The following USF2 variants were observed in gnomAD, a reference collection of about 807,000 sequenced individuals.
The protein encoded by USF2 is upstream transcription factor 2, c-fos interacting.
In USF2, 16 loss-of-function variants were observed where a neutral mutation model predicts 46.9. The observed-to-expected ratio is 0.34, with a 90% CI of 0.23 to 0.52. The LOEUF (loss-of-function observed/expected upper bound fraction) is 0.52. USF2 is among the 20% of genes least tolerant of loss of function. USF2 has a pLI of 0.96. For missense variants in USF2, 411 were observed against 474.0 expected (o/e 0.87, Z 1.23); for synonymous variants, 239 against 194.1 (o/e 1.23, Z -1.92).
At chr19:35,275,757 A>G (rs2145580640) in intron 7 of USF2, 1 of 152,298 alleles carries the variant, frequency 6.6e-6, no homozygotes, top group Non-Finnish European at 1.5e-5. Context: ...TGTTATGGTC[A>G]GAGAACATAC....
intron 7 of USF2, among the ~76,000 whole-genome samples, chr19:35,272,586 A>G (rs2066173087): frequency 6.6e-6 from 1 of 152,126 alleles, no homozygotes; most frequent in South Asian, 2.1e-4. Flanking sequence ...GGACCTTGGA[A>G]GAAGTCCCCA....
chr19:35,269,757 G>C (rs745886059), intron 3 of USF2, 46 bp from the exon 4 acceptor site: 2 of 1,479,096 alleles, frequency 1.4e-6, no homozygotes, highest in Admixed American at 2.5e-5. Context: ...GGGAAGGCTC[G>C]GACCTGGCCC....
Position 35,270,722 on chromosome 19 carries a change from G to A in USF2, c.585G>A (p.Gln195=), listed in dbSNP as rs527261203. The change falls in exon 6 of 10, where the codon CAG becomes CAA. Residue 195 remains glutamine (Q), a synonymous_variant. Coordinates refer to ENST00000222305, the MANE Select transcript of USF2 (RefSeq NM_003367.4). ...AACCCCCCACTCTCCCTGCAGGCCA[G>A]TTCTACGTCATGATGACGCCCCAGG... ...TTDQSLQAGG[Q]FYVMMTPQDV... is the part of the protein sequence containing the mutation. 3 of 1,614,102 alleles carry A rather than the reference G, an allele frequency of 1.9e-6. No individual in the cohort carries two copies. The Admixed American group carries it at 5.0e-5, about 27-fold the overall frequency.
chr19:35,273,579 A>G (rs1211498486), intron 7 of USF2, among the ~76,000 whole-genome samples: 2 of 152,036 alleles, frequency 1.3e-5, no homozygotes, highest in Non-Finnish European at 2.9e-5. Flanking sequence ...TTTTTTGAGA[A>G]GGGGGTCTCA....
chr19:35,278,840 C>A lies in USF2; in HGVS notation c.822+48C>A, dbSNP rs776856352. The A allele has an allele frequency of 3.7e-6, 6 of 1,611,078 alleles. No individual in the cohort carries two copies. In the Admixed American group the frequency reaches 6.7e-5, roughly 18 times the overall value. Reference sequence around the variant, plus strand: ...GTCTGCGGTGGTCCCGGCCCCCGACCCTTGCATGCAGAAAGTCCAACAGCC... The same window carrying A: ...GTCTGCGGTGGTCCCGGCCCCCGACACTTGCATGCAGAAAGTCCAACAGCC... On this transcript the variant is annotated intron_variant, in intron 8 of 9. Transcript: ENST00000222305.
intron 9 of USF2, 43 bp downstream of exon 9, chr19:35,279,117 G>A (rs2066275467): frequency 6.2e-7 from 1 of 1,612,932 alleles, no homozygotes; most frequent in African/African-American, 1.3e-5. Context: ...AGGAGCCCCA[G>A]ATGCAAGGCG....
intron 5 of USF2, 45 bp from the exon 6 acceptor site, chr19:35,270,673 C>G (rs775448258): frequency 8.7e-6 from 14 of 1,612,970 alleles, no homozygotes; most frequent in Admixed American, 3.3e-5. Context: ...CCAGCCAGTT[C>G]TGACTTCACC....
At chr19:35,272,554 G>A (rs1035082905) in intron 7 of USF2, among the ~76,000 whole-genome samples, 7 of 152,158 alleles carry the variant, frequency 4.6e-5, no homozygotes, top group Non-Finnish European at 7.4e-5. Flanking sequence ...AGTGGAGGGG[G>A]CTGCCCAGGC....
intron 1 of USF2, 105 bp downstream of exon 1, chr19:35,269,268 C>T: frequency 1.1e-6 from 1 of 943,762 alleles, no homozygotes; most frequent in Non-Finnish European, 1.3e-6. Flanking sequence ...GGGCCCGGCT[C>T]AAAATGGAGG....
chr19:35,276,315 AC>A (rs1409013281), intron 7 of USF2, among the ~76,000 whole-genome samples: 3 of 151,690 alleles, frequency 2.0e-5, no homozygotes, highest in Non-Finnish European at 4.4e-5. Flanking sequence ...CATGTGATCC[AC>A]CCTCCCAAAG....
intron 6 of USF2, 92 bp downstream of exon 6, chr19:35,270,897 C>T (rs1404793921): frequency 4.0e-6 from 6 of 1,509,032 alleles, no homozygotes; most frequent in South Asian, 2.3e-5. Context: ...ATGAAGTGGG[C>T]ACATGGTGTA....
At chr19:35,277,247 G>C (rs932497248) in intron 7 of USF2, 1 of 152,518 alleles carries the variant, frequency 6.6e-6, no homozygotes, top group Non-Finnish European at 1.5e-5. Context: ...TGCAGGGCCT[G>C]GACCGTGCTC....
rs763681281 is a variant in USF2, at chr19:35,270,955, A to G, written c.669-128A>G. 8 of 1,429,648 alleles carry G rather than the reference A, an allele frequency of 5.6e-6. No homozygotes were observed. In the Admixed American group the frequency reaches 1.3e-4, roughly 23 times the overall value. 88.6% of individuals were successfully genotyped at this position (1,429,648 alleles called of 1,614,324 possible). On this transcript the variant is annotated intron_variant, in intron 6 of 9. Coordinates refer to ENST00000222305, the MANE Select transcript of USF2 (RefSeq NM_003367.4). ...TCTGCTGCTCTAGTGCACATAAAGTATCATGTCTTTTGTTTTTGCAGATGG... is the reference window on the plus strand; with the variant it reads ...TCTGCTGCTCTAGTGCACATAAAGTGTCATGTCTTTTGTTTTTGCAGATGG...
At position 35,271,137 on chromosome 19, in the gene USF2, C is replaced by T. The variant is rs578120409; in HGVS notation, c.723C>T (p.Asn241=). 2.4e-5 allele frequency: 39 copies of T among 1,613,810 alleles called. No homozygotes were observed. The highest frequency in any genetic ancestry group is 2.3e-4 in the South Asian group (21 of 91,056). Residue 241 remains asparagine (N), a synonymous_variant, in exon 7 of 10, where the codon AAC becomes AAT. Coordinates refer to ENST00000222305, the MANE Select transcript of USF2 (RefSeq NM_003367.4). ...PRDERRRAQH[N]EVERRRRDKI... Reference sequence around the variant, plus strand: ...ATGAGAGGAGAAGAGCCCAGCACAACGAAGGTGAGGACAAGGTGTGGCTCC... The same window carrying T: ...ATGAGAGGAGAAGAGCCCAGCACAATGAAGGTGAGGACAAGGTGTGGCTCC...
intron 8 of USF2, 73 bp from the exon 9 acceptor site, chr19:35,278,873 T>G: frequency 1.2e-6 from 2 of 1,601,766 alleles, no homozygotes; most frequent in Non-Finnish European, 1.7e-6. Flanking sequence ...GCCATGGGGC[T>G]CGGGAGTCAT....
At chr19:35,271,954 A>G (rs750849909) in intron 7 of USF2, among the ~76,000 whole-genome samples, 1 of 151,894 alleles carries the variant, frequency 6.6e-6, no homozygotes, top group Non-Finnish European at 1.5e-5. Context: ...GGGTCAGGTT[A>G]CTTTGTGGGG....
At position 35,271,100 on chromosome 19, in the gene USF2, G is replaced by C. The variant is rs757343192; in HGVS notation, c.686G>C (p.Arg229Thr). The C allele has an allele frequency of 6.2e-7, 1 of 1,613,700 alleles. No individual in the cohort carries two copies. The highest frequency in any genetic ancestry group is 8.5e-7 in the Non-Finnish European group (1 of 1,179,964). ...HPYSPKIDGT[R>T]TPRDERRRAQ... ...TCTTGTAGAAAAATTGATGGAACCA[G>C]AACACCCCGAGATGAGAGGAGAAGA... Residue 229 changes from arginine to threonine, a missense_variant, in exon 7 of 10, where the codon AGA (arginine) becomes ACA (threonine). Coordinates refer to ENST00000222305, the MANE Select transcript of USF2 (RefSeq NM_003367.4).
At chr19:35,270,260 GC>G in intron 4 of USF2, 186 bp from the exon 5 acceptor site, 1 of 972,232 alleles carries the variant, frequency 1.0e-6, no homozygotes, top group Non-Finnish European at 1.5e-6. Context: ...GATTTGCTCA[GC>G]AAGTGATCGC....
chr19:35,269,686 C>T lies in USF2; in HGVS notation c.215C>T (p.Thr72Ile). Residue 72 changes from threonine to isoleucine, a missense_variant, in exon 3 of 10, where the codon ACA (threonine) becomes ATA (isoleucine). Physicochemically the swap from Thr to Ile is moderately conservative, Grantham distance 89 (BLOSUM62 -1). Coordinates refer to ENST00000222305, the MANE Select transcript of USF2 (RefSeq NM_003367.4). ...HNIQYQFRTE[T>I]NGGQVTYRVV... ...ATCCAGTACCAGTTCCGCACAGAGA[C>T]AAATGGAGGACAGGTGAGCGGCGGG... is the stretch of plus-strand genomic sequence containing the variant. 1 of 1,365,350 alleles carries T rather than the reference C, an allele frequency of 7.3e-7. No individual in the cohort carries two copies. Among genetic ancestry groups the T allele is most frequent in the Non-Finnish European group, 9.6e-7 (1 of 1,045,626 alleles). 84.6% of individuals were successfully genotyped at this position (1,365,350 alleles called of 1,614,324 possible).
Sources: gnomAD v4.1 joint callset for allele counts (sites outside exome capture counted in the v4.1 genomes callset) on GRCh38, gnomAD v4.1.1 for gene constraint, MANE v1.5 for transcripts, NCBI Gene and HGNC (gene_info 2026-07-23, HGNC 2026-07-21) for gene names.